The following NUAK2 variants were observed in gnomAD, a reference collection of about 807,000 sequenced individuals.
NUAK2 encodes the protein NUAK family kinase 2, also known as NUAK family SNF1-like kinase 2.
A neutral mutation model predicts 29.8 loss-of-function variants in NUAK2; 20 were observed. The observed-to-expected ratio is 0.67, with a 90% CI of 0.47 to 0.98. The LOEUF is 0.98. Ranked by LOEUF, NUAK2 falls within the 50% of genes least tolerant of loss-of-function variation. The pLI, the probability that NUAK2 is intolerant of heterozygous loss-of-function variation, is 0.00. For synonymous variants in NUAK2, 331 were observed against 342.6 expected, an observed-to-expected ratio of 0.97 and a Z score of 0.37; for missense variants, 719 against 834.5, an observed-to-expected ratio of 0.86 and a Z score of 1.71.
chr1:205,308,780 C>T lies in NUAK2; in HGVS notation c.353-48G>A, dbSNP rs1662217996. The T allele has an allele frequency of 6.2e-7, 1 of 1,600,954 alleles. No individual in the cohort carries two copies. The highest frequency in any genetic ancestry group is 2.2e-5 in the East Asian group (1 of 44,660). On this transcript the variant is annotated intron_variant, in intron 2 of 6. Coordinates refer to ENST00000367157, the MANE Select transcript of NUAK2 (RefSeq NM_030952.3). This position sits in a 1 kb window ranked among gnomAD's most constrained non-coding sequence, Gnocchi z 4.1. The stretch of plus-strand genomic sequence containing the variant: ...CGTCAGGCCCTCCCAGAGTGCACTG[C>T]TCTCCACTGGGGGTGACTCACTCCT...
In NUAK2 at chr1:205,321,616, C is replaced by T. The variant is rs752648660; in HGVS notation, c.13G>A (p.Val5Ile). The T allele has an allele frequency of 3.7e-6, 6 of 1,610,092 alleles. No homozygotes were observed. Among genetic ancestry groups the T allele is most frequent in the Non-Finnish European group, 4.2e-6 (5 of 1,179,562 alleles). Reference sequence around the variant, plus strand: ...GTGGGGCCGGAGCGCCGCGCGAAAACCAGCGACTCCATGGCGAGCAGGAGG... The same window carrying T: ...GTGGGGCCGGAGCGCCGCGCGAAAATCAGCGACTCCATGGCGAGCAGGAGG... MESL[V>I]FARRSGPTPS... Residue 5 changes from valine to isoleucine, a missense_variant, in exon 1 of 7, where the codon GTT becomes ATT. Val to Ile is a conservative substitution (Grantham distance 29). Transcript: ENST00000367157.
intron 1 of NUAK2, among the ~76,000 whole-genome samples, chr1:205,315,408 G>A (rs949480433): frequency 1.3e-5 from 2 of 152,232 alleles, no homozygotes; most frequent in African/African-American, 4.8e-5. Flanking sequence ...ATATTTACTA[G>A]TTAAGTCACT....
Position 205,311,834 on chromosome 1 carries a change from A to G in NUAK2, c.232-9T>C. On this transcript the variant is annotated splice_polypyrimidine_tract_variant and intron_variant, in intron 1 of 6. Coordinates refer to ENST00000367157, the MANE Select transcript of NUAK2 (RefSeq NM_030952.3). ...ATTGACTTGATGGCCACCTGGGAAGAGAAGGCATGAGAGTGAGGAGAAAGG... is the reference window on the plus strand; with the variant it reads ...ATTGACTTGATGGCCACCTGGGAAGGGAAGGCATGAGAGTGAGGAGAAAGG... 6.2e-7 allele frequency: 1 copy of G among 1,613,470 alleles called. No individual in the cohort carries two copies. The highest frequency in any genetic ancestry group is 8.5e-7 in the Non-Finnish European group (1 of 1,179,906).
At position 205,306,192 on chromosome 1, in the gene NUAK2, G is replaced by A; in HGVS notation, c.686C>T (p.Pro229Leu). The A allele has an allele frequency of 6.2e-7, 1 of 1,609,670 alleles. No individual in the cohort carries two copies. Among genetic ancestry groups the A allele is most frequent in the Non-Finnish European group, 8.5e-7 (1 of 1,178,184 alleles). The change falls in exon 5 of 7, where the codon CCA becomes CTA. Residue 229 changes from proline to leucine, a missense_variant. This residue lies in a region of NUAK2 where 283 missense variants were observed against 345.6 expected (regional missense o/e 0.82). Transcript: ENST00000367157. Reference protein sequence around the residue: ...EIVNGKPYTGPEVDSWSLGVL... With the variant: ...EIVNGKPYTGLEVDSWSLGVL... ...CAGGGGAGGGTGGCCACTTACCTCT[G>A]GGCCTGTGTAGGGCTTCCCATTGAC... is the stretch of plus-strand genomic sequence containing the variant.
At position 205,321,557 on chromosome 1, in the gene NUAK2, C is replaced by A; in HGVS notation, c.72G>T (p.Ala24=). ...PSAAELARPL[A]EGLIKSPKPL... ...GCTTGGGCGACTTGATCAGCCCTTC[C>A]GCCAGCGGCCGGGCTAGCTCTGCGG... Residue 24 remains alanine (A), a synonymous_variant, in exon 1 of 7, where the codon GCG becomes GCT. Coordinates refer to ENST00000367157, the MANE Select transcript of NUAK2 (RefSeq NM_030952.3). The A allele has an allele frequency of 6.2e-7, 1 of 1,613,708 alleles. No homozygotes were observed. The highest frequency in any genetic ancestry group is 8.5e-7 in the Non-Finnish European group (1 of 1,179,896).
At chr1:205,309,763 G>C (rs1318742054) in intron 2 of NUAK2, among the ~76,000 whole-genome samples, 1 of 152,220 alleles carries the variant, frequency 6.6e-6, no homozygotes, top group African/African-American at 2.4e-5. Flanking sequence ...AGGGAGAGCT[G>C]AGATATCCAT....
Position 205,308,812 on chromosome 1 carries a change from C to T in NUAK2, c.353-80G>A. On this transcript the variant is annotated intron_variant, in intron 2 of 6. Transcript: ENST00000367157. This position sits in a 1 kb window ranked among gnomAD's most constrained non-coding sequence, Gnocchi z 4.1. ...CTGGGGGTGACTCACTCCTCCCCGA[C>T]CCCAGGCCCCAAACCAGACAGGACC... 2 of 1,522,070 alleles carry T rather than the reference C, an allele frequency of 1.3e-6. No homozygotes were observed. Among genetic ancestry groups the T allele is most frequent in the Non-Finnish European group, 1.8e-6 (2 of 1,113,406 alleles). The allele number at this position is 1,522,070 out of a possible 1,614,324, so 94.3% of individuals were successfully genotyped here. A position where few individuals can be genotyped will look rare whatever the true frequency, so the allele number is the denominator to read the frequency against.
chr1:205,318,311 C>T (rs1442254526), intron 1 of NUAK2, among the ~76,000 whole-genome samples: 4 of 152,138 alleles, frequency 2.6e-5, no homozygotes, highest in African/African-American at 4.8e-5. Flanking sequence ...GGAAAGACAG[C>T]GGGAGCTAAC....
At position 205,321,525 on chromosome 1, in the gene NUAK2, A is replaced by G. The variant is rs1015340986; in HGVS notation, c.104T>C (p.Met35Thr). The G allele has an allele frequency of 6.2e-6, 10 of 1,613,690 alleles. No homozygotes were observed. The highest frequency in any genetic ancestry group is 7.6e-6 in the Non-Finnish European group (9 of 1,179,872). Residue 35 changes from methionine to threonine, a missense_variant, in exon 1 of 7, where the codon ATG (methionine) becomes ACG (threonine). Transcript: ENST00000367157. ...GTGCCGCTTCACCGCCTGCTTCTTC[A>G]TTAGGGGCTTGGGCGACTTGATCAG... ...EGLIKSPKPLMKKQAVKRHHH... is the reference protein window; with the variant it reads ...EGLIKSPKPLTKKQAVKRHHH...
chr1:205,312,647 C>G (rs773811436), intron 1 of NUAK2, among the ~76,000 whole-genome samples: 3 of 152,082 alleles, frequency 2.0e-5, no homozygotes, highest in Non-Finnish European at 4.4e-5. Flanking sequence ...ACAAAAAATT[C>G]AAAATCTAGC....
At chr1:205,312,428 T>C (rs1437723756) in intron 1 of NUAK2, among the ~76,000 whole-genome samples, 1 of 152,244 alleles carries the variant, frequency 6.6e-6, no homozygotes, top group African/African-American at 2.4e-5. Context: ...TGGTACTTTT[T>C]CTGCTCCAGT....
Position 205,303,219 on chromosome 1 carries a change from C to T in NUAK2, c.*231G>A, listed in dbSNP as rs41264875. ...CTCTGTCGCGGGCATTCCCGTTCCCCTCTCTTTAGTATCCTCTTCGTTCAG... is the reference window on the plus strand; with the variant it reads ...CTCTGTCGCGGGCATTCCCGTTCCCTTCTCTTTAGTATCCTCTTCGTTCAG... On this transcript the variant is annotated 3_prime_UTR_variant, in exon 7 of 7. Coordinates refer to ENST00000367157, the MANE Select transcript of NUAK2 (RefSeq NM_030952.3). 0.12 allele frequency: 45,788 copies of T among 396,104 alleles called. 3,321 individuals carry two copies. The highest frequency in any genetic ancestry group is 0.15 in the Non-Finnish European group (33,086 of 221,604). 24.5% of individuals were successfully genotyped at this position (396,104 alleles called of 1,614,324 possible).
intron 2 of NUAK2, among the ~76,000 whole-genome samples, chr1:205,309,369 T>C (rs1290615506): frequency 2.0e-5 from 3 of 152,190 alleles, no homozygotes; most frequent in African/African-American, 2.4e-5. Flanking sequence ...CTCTGTCACC[T>C]AGGCTGGAGT....
rs1422888052 is a variant in NUAK2 at position 205,311,693 on chromosome 1, T to C, written c.352+12A>G. 1.2e-6 allele frequency: 2 copies of C among 1,613,872 alleles called. No homozygotes were observed. The highest frequency in any genetic ancestry group is 1.7e-6 in the Non-Finnish European group (2 of 1,179,868). ...TAGACCCCCAAGTTCCAGCTTTAAG[T>C]GCCCACTGTACCTTCATGGATGGCA... On this transcript the variant is annotated intron_variant, in intron 2 of 6. Transcript: ENST00000367157.
Position 205,321,714 on chromosome 1 carries a change from G to A in NUAK2, c.-86C>T. On this transcript the variant is annotated 5_prime_UTR_variant, in exon 1 of 7. Transcript: ENST00000367157. ...AGCGCGGGGCACAGGTCCCGCACCA[G>A]GACGGGGAGCCACAGCAGTACCAGA... The A allele has an allele frequency of 2.7e-6, 3 of 1,104,272 alleles. 1 individual carries two copies. The South Asian group carries it at 4.3e-5, about 16-fold the overall frequency. The allele number at this position is 1,104,272 out of a possible 1,614,324, so 68.4% of individuals were successfully genotyped here. A position where few individuals can be genotyped will look rare whatever the true frequency, so the allele number is the denominator to read the frequency against.
At chr1:205,305,424 G>C in intron 5 of NUAK2, 93 bp from the exon 6 acceptor site, 3 of 1,497,430 alleles carry the variant, frequency 2.0e-6, no homozygotes, top group South Asian at 1.3e-5. Flanking sequence ...ACCTGAGGAC[G>C]ACCCACCTCT....
intron 2 of NUAK2, among the ~76,000 whole-genome samples, chr1:205,309,134 AGGTTTGCT>A (rs1407145272): frequency 6.6e-6 from 1 of 151,930 alleles, no homozygotes; most frequent in Admixed American, 6.6e-5. Flanking sequence ...GTAAGAATGC[AGGTTTGCT>A]GGGTGATCTT....
chr1:205,303,576 G>A lies in NUAK2; in HGVS notation c.1761C>T (p.Gly587=), dbSNP rs2102642218. The change falls in exon 7 of 7, where the codon GGC becomes GGT. Residue 587 remains glycine (G), a synonymous_variant. Coordinates refer to ENST00000367157, the MANE Select transcript of NUAK2 (RefSeq NM_030952.3). The part of the protein sequence containing the change: ...LTGLEEPPSE[G]PGSCLRRWRQ... ...GCCAGCGCCTCAGGCAGCTTCCAGGGCCCTCTGAGGGGGGCTCCTCAAGCC... is the reference window on the plus strand; with the variant it reads ...GCCAGCGCCTCAGGCAGCTTCCAGGACCCTCTGAGGGGGGCTCCTCAAGCC... 6.2e-7 allele frequency: 1 copy of A among 1,613,424 alleles called. No individual in the cohort carries two copies. The highest frequency in any genetic ancestry group is 2.2e-5 in the East Asian group (1 of 44,862).
At chr1:205,306,825 G>A in intron 4 of NUAK2, among the ~76,000 whole-genome samples, 1 of 152,180 alleles carries the variant, frequency 6.6e-6, no homozygotes, top group East Asian at 1.9e-4. Flanking sequence ...GCCAGATGGA[G>A]GGGGAAAGCC....
Sources: allele counts gnomAD v4.1 joint callset (sites outside exome capture counted in the v4.1 genomes callset), GRCh38; gene constraint gnomAD v4.1.1; regional missense constraint gnomAD v4.1.1; non-coding constraint Gnocchi (gnomAD v3.1); transcripts MANE v1.5; gene names NCBI Gene and HGNC (gene_info 2026-07-23, HGNC 2026-07-21).